Variants in DGAT1 observed in about 807,000 individuals in gnomAD.
The protein encoded by DGAT1 is ACAT related gene product 1.
A neutral mutation model predicts 72.6 loss-of-function variants in DGAT1; 60 were observed. The observed-to-expected ratio is 0.83, with a 90% CI of 0.67 to 1.02. The LOEUF is 1.02. Among genes scored for constraint, DGAT1 ranks in the 50% least tolerant of loss-of-function variants. DGAT1 has a pLI of 0.00. For missense variants in DGAT1, 592 were observed against 670.0 expected (o/e 0.88, Z 1.29); for synonymous variants, 290 against 267.5 (o/e 1.08, Z -0.82).
chr8:144,325,117 T>TCATG (rs879976545), intron 1 of DGAT1, among the ~76,000 whole-genome samples: 7 of 151,222 alleles, frequency 4.6e-5, no homozygotes, highest in Admixed American at 4.6e-4. Context: ...CCTCCACAGG[T>TCATG]CATGTAGCCA....
Position 144,316,472 on chromosome 8 carries a change from C to G in DGAT1, c.*82G>C, listed in dbSNP as rs2130507851. 6.8e-7 allele frequency: 1 copy of G among 1,473,496 alleles called. No individual in the cohort carries two copies. Among genetic ancestry groups the G allele is most frequent in the Non-Finnish European group, 9.1e-7 (1 of 1,104,598 alleles). 91.3% of individuals were successfully genotyped at this position (1,473,496 alleles called of 1,614,324 possible). A position where few individuals can be genotyped will look rare whatever the true frequency, so the allele number is the denominator to read the frequency against. Reference sequence around the variant, plus strand: ...GATGCTGTGCAGCCAGGCCCATCCCCAGCACTCGAGGCCTAGGAGGAGAGG... The same window carrying G: ...GATGCTGTGCAGCCAGGCCCATCCCGAGCACTCGAGGCCTAGGAGGAGAGG... On this transcript the variant is annotated 3_prime_UTR_variant, in exon 17 of 17. Coordinates refer to ENST00000528718, the MANE Select transcript of DGAT1 (RefSeq NM_012079.6).
At position 144,314,923 on chromosome 8, in the gene DGAT1, C is replaced by T; in HGVS notation, c.*1631G>A. 2.0e-6 allele frequency: 2 copies of T among 986,224 alleles called. No individual in the cohort carries two copies. Among genetic ancestry groups the T allele is most frequent in the Non-Finnish European group, 2.4e-6 (2 of 830,516 alleles). 61.1% of individuals were successfully genotyped at this position (986,224 alleles called of 1,614,324 possible). ...ATTGAGGGACCAGGGGTGGGCGCCTCACCTTGGCCCTGGGGGTCTCTGGTT... is the reference window on the plus strand; with the variant it reads ...ATTGAGGGACCAGGGGTGGGCGCCTTACCTTGGCCCTGGGGGTCTCTGGTT... On this transcript the variant is annotated 3_prime_UTR_variant, in exon 17 of 17. Transcript: ENST00000528718.
chr8:144,315,201 T>C lies in DGAT1; in HGVS notation c.*1353A>G, dbSNP rs1817158621. ...TTCTCGAGCTCCACTGGCCAACTGA[T>C]AGGGAGAGGCACAGGAGCCCATGTG... On this transcript the variant is annotated 3_prime_UTR_variant, in exon 17 of 17. Coordinates refer to ENST00000528718, the MANE Select transcript of DGAT1 (RefSeq NM_012079.6). 2.0e-6 allele frequency: 2 copies of C among 985,296 alleles called. No individual in the cohort carries two copies. The highest frequency in any genetic ancestry group is 9.4e-5 in the South Asian group (2 of 21,290). 61.0% of individuals were successfully genotyped at this position (985,296 alleles called of 1,614,324 possible).
chr8:144,317,714 T>C lies in DGAT1; in HGVS notation c.895-2A>G. On this transcript the variant is annotated splice_acceptor_variant, in intron 10 of 16. Coordinates refer to ENST00000528718, the MANE Select transcript of DGAT1 (RefSeq NM_012079.6). LOFTEE classifies it high-confidence loss of function. Reference sequence around the variant, plus strand: ...GTTCTGGATGGTGGGGACCATCCACTGCAAAGGAGGGCACCACGTCAGCTC... The same window carrying C: ...GTTCTGGATGGTGGGGACCATCCACCGCAAAGGAGGGCACCACGTCAGCTC... 6.2e-7 allele frequency: 1 copy of C among 1,613,718 alleles called. No homozygotes were observed.
chr8:144,315,300 A>G lies in DGAT1; in HGVS notation c.*1254T>C, dbSNP rs1164651446. 1 of 985,322 alleles carries G rather than the reference A, an allele frequency of 1.0e-6. No homozygotes were observed. The highest frequency in any genetic ancestry group is 1.2e-6 in the Non-Finnish European group (1 of 829,958). 61.0% of individuals were successfully genotyped at this position (985,322 alleles called of 1,614,324 possible). A position where few individuals can be genotyped will look rare whatever the true frequency, so the allele number is the denominator to read the frequency against. ...ACTACTGCCATCCTCAGCAGGGCCCAAGGAGATGCCTCCATCTCAGGGCCC... is the reference window on the plus strand; with the variant it reads ...ACTACTGCCATCCTCAGCAGGGCCCGAGGAGATGCCTCCATCTCAGGGCCC... On this transcript the variant is annotated 3_prime_UTR_variant, in exon 17 of 17. Transcript: ENST00000528718.
rs989432463 is a variant in DGAT1 at position 144,326,419 on chromosome 8, G to A, written c.200+18C>T. The A allele has an allele frequency of 5.2e-5, 72 of 1,388,388 alleles. 2 individuals are homozygous for A. In the Admixed American group the frequency reaches 1.9e-3, roughly 37 times the overall value. The allele number at this position is 1,388,388 out of a possible 1,614,324, so 86.0% of individuals were successfully genotyped here. On this transcript the variant is annotated intron_variant, in intron 1 of 16. Coordinates refer to ENST00000528718, the MANE Select transcript of DGAT1 (RefSeq NM_012079.6). ...GGGGCCCTTGGGTCAGAGGTTAGGG[G>A]GTCAGGCGCTCCGCTACCTCAGCTC...
In DGAT1 at chr8:144,314,797, G is replaced by A; in HGVS notation, c.*1757C>T. On this transcript the variant is annotated 3_prime_UTR_variant, in exon 17 of 17. Transcript: ENST00000528718. Reference sequence around the variant, plus strand: ...GCAATGAGGAGGGGCCCAGGGCACAGAAGGGCCGGGCTGCAGTGGCCTCCT... The same window carrying A: ...GCAATGAGGAGGGGCCCAGGGCACAAAAGGGCCGGGCTGCAGTGGCCTCCT... 8.2e-6 allele frequency: 5 copies of A among 608,036 alleles called. No individual in the cohort carries two copies. The highest frequency in any genetic ancestry group is 1.0e-5 in the Non-Finnish European group (5 of 481,108). 37.7% of individuals were successfully genotyped at this position (608,036 alleles called of 1,614,324 possible).
Position 144,317,930 on chromosome 8 carries a change from C to G in DGAT1, c.839G>C (p.Arg280Pro). 1 of 1,521,408 alleles carries G rather than the reference C, an allele frequency of 6.6e-7. No individual in the cohort carries two copies. Among genetic ancestry groups the G allele is most frequent in the Non-Finnish European group, 8.8e-7 (1 of 1,136,666 alleles). 94.2% of individuals were successfully genotyped at this position (1,521,408 alleles called of 1,614,324 possible). Residue 280 changes from arginine (R) to proline (P), a missense_variant, in exon 9 of 17, where the codon CGA (arginine) becomes CCA (proline). Arg to Pro is a moderately radical substitution (Grantham distance 103). Transcript: ENST00000528718. ...SPRIRKRFLLRRILEMLFFTQ... is the reference protein window; with the variant it reads ...SPRIRKRFLLPRILEMLFFTQ... ...CAACCTCACCATCTCAAGGATCCGT[C>G]GCAGCAGAAAGCGCTTCCGGATGCG...
In DGAT1 at chr8:144,314,815, G is replaced by C; in HGVS notation, c.*1739C>G. 2.6e-6 allele frequency: 2 copies of C among 779,158 alleles called. No homozygotes were observed. The highest frequency in any genetic ancestry group is 1.3e-3 in the Middle Eastern group (2 of 1,498). 48.3% of individuals were successfully genotyped at this position (779,158 alleles called of 1,614,324 possible). On this transcript the variant is annotated 3_prime_UTR_variant, in exon 17 of 17. Coordinates refer to ENST00000528718, the MANE Select transcript of DGAT1 (RefSeq NM_012079.6). ...GGGCACAGAAGGGCCGGGCTGCAGTGGCCTCCTGGGGGAAGACGGATGCTT... is the reference window on the plus strand; with the variant it reads ...GGGCACAGAAGGGCCGGGCTGCAGTCGCCTCCTGGGGGAAGACGGATGCTT...
intron 1 of DGAT1, among the ~76,000 whole-genome samples, chr8:144,325,104 C>T (rs782156675): frequency 3.3e-5 from 5 of 152,026 alleles, no homozygotes; most frequent in African/African-American, 4.8e-5. Flanking sequence ...TCAATTCCCA[C>T]GTCCTCCACA....
Position 144,319,076 on chromosome 8 carries a change from G to A in DGAT1, c.289-8C>T, listed in dbSNP as rs1359477077. 1 of 1,553,076 alleles carries A rather than the reference G, an allele frequency of 6.4e-7. No individual in the cohort carries two copies. The highest frequency in any genetic ancestry group is 1.2e-5 in the South Asian group (1 of 84,140). Reference sequence around the variant, plus strand: ...CCGGGCATTGCTCAAGATCTGCGAGGGATGGACAGGAGGGTGCAGCCCCTT... The same window carrying A: ...CCGGGCATTGCTCAAGATCTGCGAGAGATGGACAGGAGGGTGCAGCCCCTT... On this transcript the variant is annotated splice_region_variant and splice_polypyrimidine_tract_variant and intron_variant, in intron 2 of 16. Coordinates refer to ENST00000528718, the MANE Select transcript of DGAT1 (RefSeq NM_012079.6).
intron 1 of DGAT1, among the ~76,000 whole-genome samples, chr8:144,323,406 C>T (rs1817511712): frequency 2.0e-5 from 3 of 152,078 alleles, no homozygotes; most frequent in Non-Finnish European, 4.4e-5. Flanking sequence ...GAGGCAGCAC[C>T]CCCACTGCGC....
At chr8:144,322,741 A>C (rs531671707) in intron 1 of DGAT1, among the ~76,000 whole-genome samples, 3 of 152,272 alleles carry the variant, frequency 2.0e-5, no homozygotes, top group African/African-American at 7.2e-5. Context: ...ACTGGAACAC[A>C]GGGGCAGGCA....
In DGAT1 at chr8:144,315,777, C is replaced by T; in HGVS notation, c.*777G>A. The T allele has an allele frequency of 9.4e-6, 9 of 956,734 alleles. No individual in the cohort carries two copies. Among genetic ancestry groups the T allele is most frequent in the Non-Finnish European group, 1.1e-5 (9 of 803,732 alleles). 59.3% of individuals were successfully genotyped at this position (956,734 alleles called of 1,614,324 possible). A position where few individuals can be genotyped will look rare whatever the true frequency, so the allele number is the denominator to read the frequency against. On this transcript the variant is annotated 3_prime_UTR_variant, in exon 17 of 17. Coordinates refer to ENST00000528718, the MANE Select transcript of DGAT1 (RefSeq NM_012079.6). ...AGGGCAGCTGAGAGCCACCAGCCCA[C>T]CTGGCTGCCCAGGTTCCAAGTGAAG...
Position 144,316,614 on chromosome 8 carries a change from G to A in DGAT1, c.1407C>T (p.Val469=), listed in dbSNP as rs17851331. 1.7e-3 allele frequency: 2,681 copies of A among 1,608,286 alleles called. 5 individuals carry two copies. The highest frequency in any genetic ancestry group is 1.9e-3 in the Non-Finnish European group (2,235 of 1,177,942). ...CGTAGTAGTCGTGGACGTACATGAG[G>A]ACGGCTATTGGCTGTCCGATGATGA... ...LSLIIGQPIA[V]LMYVHDYYVL... The change falls in exon 17 of 17, where the codon GTC becomes GTT. Residue 469 remains valine (V), a synonymous_variant. Coordinates refer to ENST00000528718, the MANE Select transcript of DGAT1 (RefSeq NM_012079.6).
Position 144,314,967 on chromosome 8 carries a change from AC to A in DGAT1, c.*1586del, listed in dbSNP as rs1433447012. 89 of 985,432 alleles carry A rather than the reference AC, an allele frequency of 9.0e-5. No homozygotes were observed. Among genetic ancestry groups the A allele is most frequent in the Non-Finnish European group, 1.0e-4 (85 of 830,170 alleles). The allele number at this position is 985,432 out of a possible 1,614,324, so 61.0% of individuals were successfully genotyped here. A position where few individuals can be genotyped will look rare whatever the true frequency, so the allele number is the denominator to read the frequency against. On this transcript the variant is annotated 3_prime_UTR_variant, in exon 17 of 17. Transcript: ENST00000528718. ...TCTGGTTGTCACAGGACCACCAGGA[AC>A]CCCCTTCCCAAGGTGTTCGCACTCG... is the stretch of plus-strand genomic sequence containing the variant.
At chr8:144,322,478 G>A (rs782388362) in intron 1 of DGAT1, among the ~76,000 whole-genome samples, 9 of 152,144 alleles carry the variant, frequency 5.9e-5, no homozygotes, top group Non-Finnish European at 1.2e-4. Context: ...GGAGCCCCAT[G>A]AGGCAGACGC....
chr8:144,315,965 C>T lies in DGAT1; in HGVS notation c.*589G>A. 1 of 986,388 alleles carries T rather than the reference C, an allele frequency of 1.0e-6. No homozygotes were observed. The highest frequency in any genetic ancestry group is 1.2e-6 in the Non-Finnish European group (1 of 830,586). 61.1% of individuals were successfully genotyped at this position (986,388 alleles called of 1,614,324 possible). ...GAGCCCACTTCCCGCAAACCCAGGG[C>T]CGACCTCTTCCCAAGCTGAAGCTGA... On this transcript the variant is annotated 3_prime_UTR_variant, in exon 17 of 17. Coordinates refer to ENST00000528718, the MANE Select transcript of DGAT1 (RefSeq NM_012079.6).
intron 2 of DGAT1, among the ~76,000 whole-genome samples, chr8:144,319,963 T>G (rs558801096): frequency 6.6e-6 from 1 of 152,058 alleles, no homozygotes; most frequent in Non-Finnish European, 1.5e-5. Flanking sequence ...GAAGGCTTCA[T>G]GAGAGAGAAG....
Sources: gnomAD v4.1 joint callset for allele counts (sites outside exome capture counted in the v4.1 genomes callset) on GRCh38, gnomAD v4.1.1 for gene constraint, MANE v1.5 for transcripts, NCBI Gene and HGNC (gene_info 2026-07-23, HGNC 2026-07-21) for gene names.